PLCE1: variants seen among roughly 807,000 people sequenced by gnomAD.
The protein encoded by PLCE1 is 1-phosphatidylinositol 4,5-bisphosphate phosphodiesterase epsilon-1.
PLCE1 carries 119 observed loss-of-function variants against 242.8 expected under a neutral mutation model. The ratio of observed to expected loss-of-function variants is 0.49; its 90% CI spans 0.42 to 0.57. PLCE1 has a LOEUF of 0.57. Ranked by LOEUF, PLCE1 falls within the 20% of genes least tolerant of loss-of-function variation. PLCE1 has a pLI of 0.00. For missense variants in PLCE1, 2,441 were observed against 2,788.8 expected (o/e 0.88, Z 2.81); for synonymous variants, 945 against 1,017.4 (o/e 0.93, Z 1.35).
At chr10:94,181,819 G>T (rs1487430816) in intron 4 of PLCE1, among the ~76,000 whole-genome samples, 1 of 125,540 alleles carries the variant, frequency 8.0e-6, no homozygotes, top group South Asian at 2.2e-4. Flanking sequence ...TGGGGAGGCT[G>T]AGGTGGGAGG....
chr10:94,162,380 C>T (rs2136227045), intron 3 of PLCE1, among the ~76,000 whole-genome samples: 1 of 152,224 alleles, frequency 6.6e-6, no homozygotes, highest in East Asian at 1.9e-4. Flanking sequence ...CTGGTTTAGT[C>T]TTGGGAGGGT....
intron 3 of PLCE1, among the ~76,000 whole-genome samples, chr10:94,154,736 A>C (rs897248591): frequency 1.3e-5 from 2 of 151,976 alleles, no homozygotes; most frequent in Non-Finnish European, 2.9e-5. Flanking sequence ...AGGAATATTA[A>C]CATCAAAACC....
chr10:94,083,946 C>T (rs2044727260), intron 2 of PLCE1, among the ~76,000 whole-genome samples: 1 of 152,166 alleles, frequency 6.6e-6, no homozygotes, highest in Non-Finnish European at 1.5e-5. Context: ...TCAGTGGACA[C>T]GGTTCAAGTC....
intron 1 of PLCE1, among the ~76,000 whole-genome samples, chr10:94,006,821 A>C (rs2061048314): frequency 6.6e-6 from 1 of 152,210 alleles, no homozygotes; most frequent in African/African-American, 2.4e-5. Context: ...AAGGCTCAAA[A>C]TGACTGTGGC....
intron 3 of PLCE1, among the ~76,000 whole-genome samples, chr10:94,162,712 C>T (rs1201427913): frequency 5.9e-5 from 9 of 152,096 alleles, no homozygotes; most frequent in South Asian, 2.1e-4. Flanking sequence ...TGAATGTGTT[C>T]GCTCTTGTTT....
chr10:94,301,487 A>G (rs1173371551), intron 24 of PLCE1, among the ~76,000 whole-genome samples: 2 of 152,152 alleles, frequency 1.3e-5, no homozygotes, highest in African/African-American at 4.8e-5. Flanking sequence ...AAGCATCCCA[A>G]CTAAATAGCA....
intron 27 of PLCE1, among the ~76,000 whole-genome samples, chr10:94,312,910 A>C (rs1269525598): frequency 6.6e-6 from 1 of 152,176 alleles, no homozygotes; most frequent in East Asian, 1.9e-4. Context: ...TTACCATCCA[A>C]ATTTCTAGCC....
At chr10:94,186,068 C>T (rs1174457370) in intron 4 of PLCE1, among the ~76,000 whole-genome samples, 1 of 152,192 alleles carries the variant, frequency 6.6e-6, no homozygotes. Flanking sequence ...TTACAAATTC[C>T]ACTTGTCAGT....
intron 2 of PLCE1, among the ~76,000 whole-genome samples, chr10:94,093,840 G>C (rs2045177549): frequency 1.3e-5 from 2 of 151,652 alleles, no homozygotes; most frequent in Non-Finnish European, 2.9e-5. Context: ...GTAAGACAGA[G>C]AGCCAAGTAC....
At chr10:94,165,700 G>T (rs2047778774) in intron 3 of PLCE1, among the ~76,000 whole-genome samples, 1 of 151,814 alleles carries the variant, frequency 6.6e-6, no homozygotes, top group South Asian at 2.1e-4. Context: ...GAATTTTTTG[G>T]ATATCGTTTT....
chr10:94,079,266 G>A (rs746475725), intron 2 of PLCE1, among the ~76,000 whole-genome samples: 3 of 152,134 alleles, frequency 2.0e-5, no homozygotes, highest in Non-Finnish European at 4.4e-5. Flanking sequence ...AGGTCACGAA[G>A]CTCTCCCACC....
rs1369472154 is a variant in PLCE1, at chr10:94,254,240, G to A, written c.3330G>A (p.Lys1110=). The A allele has an allele frequency of 6.2e-7, 1 of 1,614,008 alleles. No homozygotes were observed. Among genetic ancestry groups the A allele is most frequent in the Non-Finnish European group, 8.5e-7 (1 of 1,179,998 alleles). The change falls in exon 10 of 33, where the codon AAG becomes AAA. Residue 1110 remains lysine, a synonymous_variant. Transcript: ENST00000371380. Reference sequence around the variant, plus strand: ...ATGAGATGGCAACCCGAAAGGCCAAGATGCACAAAGAGTGTCGAAGCCGGA... The same window carrying A: ...ATGAGATGGCAACCCGAAAGGCCAAAATGCACAAAGAGTGTCGAAGCCGGA... ...TDDEMATRKA[K]MHKECRSRSG...
At chr10:94,187,705 G>T (rs1272901344) in intron 4 of PLCE1, among the ~76,000 whole-genome samples, 1 of 152,148 alleles carries the variant, frequency 6.6e-6, no homozygotes, top group African/African-American at 2.4e-5. Flanking sequence ...TGGGTGATGA[G>T]TCTGGATCCC....
chr10:94,026,453 C>A (rs1050569340), intron 1 of PLCE1, among the ~76,000 whole-genome samples: 1 of 152,116 alleles, frequency 6.6e-6, no homozygotes, highest in African/African-American at 2.4e-5. Context: ...AAAGAAGAAT[C>A]CCTTTTTCCA....
chr10:94,059,786 A>G (rs1002501598), intron 2 of PLCE1, among the ~76,000 whole-genome samples: 2 of 152,216 alleles, frequency 1.3e-5, no homozygotes, highest in African/African-American at 4.8e-5. Flanking sequence ...GTTTCAAAAC[A>G]TCTGACATTT....
chr10:94,051,985 T>C (rs1437375888), intron 2 of PLCE1, among the ~76,000 whole-genome samples: 1 of 152,364 alleles, frequency 6.6e-6, no homozygotes, highest in East Asian at 1.9e-4. Flanking sequence ...GGTTTCACAC[T>C]TTCCTGTGAA....
intron 4 of PLCE1, among the ~76,000 whole-genome samples, chr10:94,212,926 A>G (rs116241618): frequency 2.2e-3 from 340 of 152,352 alleles, no homozygotes; most frequent in African/African-American, 7.0e-3. Flanking sequence ...TTTCAAAATC[A>G]AATGCTGCAG....
intron 29 of PLCE1, among the ~76,000 whole-genome samples, chr10:94,319,818 G>T (rs2053716151): frequency 6.7e-6 from 1 of 150,110 alleles, no homozygotes; most frequent in Non-Finnish European, 1.5e-5. Context: ...AACTAATGTG[G>T]CTAGAAATAC....
At chr10:94,153,022 A>G (rs2047320395) in intron 3 of PLCE1, among the ~76,000 whole-genome samples, 2 of 152,186 alleles carry the variant, frequency 1.3e-5, no homozygotes, top group Admixed American at 6.5e-5. Flanking sequence ...CTTTCAAAAT[A>G]TATATAGATT....
Sources: allele counts gnomAD v4.1 joint callset (sites outside exome capture counted in the v4.1 genomes callset), GRCh38; gene constraint gnomAD v4.1.1; transcripts MANE v1.5; gene names NCBI Gene and HGNC (gene_info 2026-07-23, HGNC 2026-07-21).